Variants in GNAZ observed in about 807,000 individuals in gnomAD.
GNAZ encodes G protein subunit alpha z.
In GNAZ, 3 loss-of-function variants were observed where a neutral mutation model predicts 25.4. That is an observed-to-expected ratio of 0.12 (90% CI 0.05 to 0.30). The LOEUF is 0.30. GNAZ is among the 10% of genes least tolerant of loss of function. The probability of loss-of-function intolerance (pLI) is 1.00; values close to 1 mark genes in which losing one functional copy is unlikely to be tolerated. For synonymous variants in GNAZ, 211 were observed against 205.7 expected (o/e 1.03, Z -0.22); for missense variants, 241 against 501.8 (o/e 0.48, Z 4.97).
intron 1 of GNAZ, among the ~76,000 whole-genome samples, chr22:23,079,281 G>A (rs1378474985): frequency 6.6e-6 from 1 of 152,250 alleles, no homozygotes; most frequent in Non-Finnish European, 1.5e-5. Flanking sequence ...GATGGGCAGG[G>A]AGGCCTCCTA....
In GNAZ at chr22:23,091,778, G is replaced by A. The variant is rs190193159; in HGVS notation, c.-449-3469G>A. Among the ~76,000 whole-genome samples the A allele has an allele frequency of 1.8e-4, 28 of 152,328 alleles. 1 individual carries two copies. In the East Asian group the frequency reaches 4.4e-3, roughly 24 times the overall value. ...ACACATGGCTTAAAACCTTTCAGTGGCGTCCTGTTTCTCTTCAGTGAAGAC... is the reference window on the plus strand; with the variant it reads ...ACACATGGCTTAAAACCTTTCAGTGACGTCCTGTTTCTCTTCAGTGAAGAC... On this transcript the variant is annotated intron_variant, in intron 1 of 2. Transcript: ENST00000615612.
Position 23,096,432 on chromosome 22 carries a change from G to A in GNAZ, c.723+14G>A. 6.3e-7 allele frequency: 1 copy of A among 1,587,794 alleles called. No homozygotes were observed. The highest frequency in any genetic ancestry group is 8.6e-7 in the Non-Finnish European group (1 of 1,169,482). On this transcript the variant is annotated intron_variant, in intron 2 of 2. Coordinates refer to ENST00000615612, the MANE Select transcript of GNAZ (RefSeq NM_002073.4). The stretch of plus-strand genomic sequence containing the variant: ...GATAACCAGACAGTAAGTGGGGCCG[G>A]GGGTTTTCCTCTGCTTGTTCCTGCT...
intron 2 of GNAZ, among the ~76,000 whole-genome samples, chr22:23,113,407 G>A (rs1179770987): frequency 6.6e-6 from 1 of 152,188 alleles, no homozygotes. Flanking sequence ...GAGCTGTCTC[G>A]GATAGCCTCC....
At chr22:23,098,826 G>T (rs902299633) in intron 2 of GNAZ, among the ~76,000 whole-genome samples, 3 of 152,366 alleles carry the variant, frequency 2.0e-5, no homozygotes, top group Admixed American at 6.5e-5. Context: ...GGCCCCCAGA[G>T]TGGTGCCGGC....
intron 2 of GNAZ, among the ~76,000 whole-genome samples, chr22:23,117,308 G>A (rs1364667586): frequency 1.3e-5 from 2 of 152,182 alleles, no homozygotes; most frequent in Non-Finnish European, 2.9e-5. Flanking sequence ...GGCTGCAGGC[G>A]GGATGGAAAC....
In GNAZ at chr22:23,096,262, G is replaced by A; in HGVS notation, c.567G>A (p.Lys189=). The A allele has an allele frequency of 6.2e-7, 1 of 1,613,946 alleles. No homozygotes were observed. The highest frequency in any genetic ancestry group is 2.2e-5 in the East Asian group (1 of 44,896). ...RDMTTGIVEN[K]FTFKELTFKM... ...TGACCACGGGCATTGTGGAGAACAA[G>A]TTCACCTTCAAGGAGCTCACCTTCA... Residue 189 remains lysine (K), a synonymous_variant, in exon 2 of 3, where the codon AAG becomes AAA. Coordinates refer to ENST00000615612, the MANE Select transcript of GNAZ (RefSeq NM_002073.4).
intron 1 of GNAZ, among the ~76,000 whole-genome samples, chr22:23,082,695 T>G (rs2068716876): frequency 6.6e-6 from 1 of 152,060 alleles, no homozygotes; most frequent in Admixed American, 6.6e-5. Flanking sequence ...GAAGCCCCTC[T>G]TTCCCCAGGA....
intron 2 of GNAZ, among the ~76,000 whole-genome samples, chr22:23,112,832 G>A (rs1178644987): frequency 6.6e-6 from 1 of 152,160 alleles, no homozygotes; most frequent in African/African-American, 2.4e-5. Context: ...AGGGAGCAAG[G>A]TGGCCAGTGT....
Position 23,075,247 on chromosome 22 carries a change from C to T in GNAZ, c.-450+4677C>T, listed in dbSNP as rs1049331119. ...GGGCGGGTGGGTTGCGTTGGACTTT[C>T]AGGGCCGCTGGAGTCAGTCACACCC... is the stretch of plus-strand genomic sequence containing the variant. On this transcript the variant is annotated intron_variant, in intron 1 of 2. Transcript: ENST00000615612. Among the ~76,000 whole-genome samples the T allele has an allele frequency of 2.6e-5, 4 of 152,308 alleles. No individual in the cohort carries two copies. In the East Asian group the frequency reaches 7.7e-4, roughly 29 times the overall value.
chr22:23,106,337 G>A (rs1601812375), intron 2 of GNAZ, among the ~76,000 whole-genome samples: 1 of 152,342 alleles, frequency 6.6e-6, no homozygotes, highest in East Asian at 1.9e-4. Flanking sequence ...GGACAGGGGT[G>A]CCAACATCCT....
At chr22:23,074,521 T>G (rs1456750093) in intron 1 of GNAZ, among the ~76,000 whole-genome samples, 3 of 152,096 alleles carry the variant, frequency 2.0e-5, no homozygotes, top group Non-Finnish European at 2.9e-5. Context: ...TGGGCACATG[T>G]GGCCAGAGGG....
At position 23,110,846 on chromosome 22, in the gene GNAZ, G is replaced by A. The variant is rs1003148194; in HGVS notation, c.724-12241G>A. Among the ~76,000 whole-genome samples the A allele has an allele frequency of 1.4e-4, 22 of 152,310 alleles. No individual in the cohort carries two copies. The East Asian group carries it at 1.7e-3, about 12-fold the overall frequency. On this transcript the variant is annotated intron_variant, in intron 2 of 2. Transcript: ENST00000615612. ...GCTCAGTGTTGGGAAGGACCCAAGG[G>A]CCCACCACACTCTGAGGCTGGCGAG...
At chr22:23,079,685 G>A (rs546112228) in intron 1 of GNAZ, among the ~76,000 whole-genome samples, 25 of 152,224 alleles carry the variant, frequency 1.6e-4, no homozygotes, top group Non-Finnish European at 2.5e-4. Flanking sequence ...CAAGACCAGA[G>A]AAGTCATACT....
At chr22:23,111,288 T>C (rs2069649280) in intron 2 of GNAZ, among the ~76,000 whole-genome samples, 1 of 152,210 alleles carries the variant, frequency 6.6e-6, no homozygotes, top group Non-Finnish European at 1.5e-5. Context: ...GGCTCTCCTG[T>C]GACGTGGCTG....
intron 1 of GNAZ, among the ~76,000 whole-genome samples, chr22:23,072,038 T>C (rs567275036): frequency 6.6e-6 from 1 of 152,148 alleles, no homozygotes; most frequent in Admixed American, 6.5e-5. Context: ...GCGAAGCAGT[T>C]CCATGACCCC....
At chr22:23,082,093 C>A (rs1444040988) in intron 1 of GNAZ, among the ~76,000 whole-genome samples, 1 of 149,660 alleles carries the variant, frequency 6.7e-6, no homozygotes, top group East Asian at 2.0e-4. Context: ...CCGCTGCACT[C>A]CAGCCTGGGC....
chr22:23,095,958 T>C lies in GNAZ; in HGVS notation c.263T>C (p.Leu88Pro). 6.2e-7 allele frequency: 1 copy of C among 1,612,154 alleles called. No homozygotes were observed. ...IDSLTRIIRA[L>P]AALRIDFHNP... ...TCGCTGACCCGCATCATCCGGGCCC[T>C]GGCCGCCCTCAGGATCGACTTCCAC... is the stretch of plus-strand genomic sequence containing the variant. Residue 88 changes from leucine to proline, a missense_variant, in exon 2 of 3, where the codon CTG becomes CCG. Physicochemically the swap from Leu to Pro is moderately conservative, Grantham distance 98. Coordinates refer to ENST00000615612, the MANE Select transcript of GNAZ (RefSeq NM_002073.4).
Position 23,095,304 on chromosome 22 carries a change from G to A in GNAZ, c.-392G>A, listed in dbSNP as rs1471435577. On this transcript the variant is annotated 5_prime_UTR_variant, in exon 2 of 3. Transcript: ENST00000615612. ...GCGGGGGGCTGCAGGGAGCACACCA[G>A]CGACCGGCCCTCCAACCCTCCAGCC... The A allele has an allele frequency of 1.3e-5, 3 of 236,502 alleles. No homozygotes were observed. Among genetic ancestry groups the A allele is most frequent in the African/African-American group, 6.8e-5 (3 of 43,808 alleles). The allele number at this position is 236,502 out of a possible 1,614,324, so 14.7% of individuals were successfully genotyped here. A position where few individuals can be genotyped will look rare whatever the true frequency, so the allele number is the denominator to read the frequency against.
At chr22:23,091,977 C>T (rs772954733) in intron 1 of GNAZ, among the ~76,000 whole-genome samples, 1 of 152,196 alleles carries the variant, frequency 6.6e-6, no homozygotes, top group Non-Finnish European at 1.5e-5. Flanking sequence ...GGCCTTACAG[C>T]ATGTTCCTCC....
Sources: gnomAD v4.1 joint callset for allele counts (sites outside exome capture counted in the v4.1 genomes callset) on GRCh38, gnomAD v4.1.1 for gene constraint, MANE v1.5 for transcripts, NCBI Gene and HGNC (gene_info 2026-07-23, HGNC 2026-07-21) for gene names.